The following SH2B2 variants were observed in gnomAD, a reference collection of about 807,000 sequenced individuals.
SH2B2 encodes SH2B adapter protein 2.
SH2B2 carries 37 observed loss-of-function variants against 35.7 expected under a neutral mutation model. That is an observed-to-expected ratio of 1.04 (90% confidence interval 0.80 to 1.36). The LOEUF (loss-of-function observed/expected upper bound fraction) is 1.36, where lower values mean the gene tolerates loss of function less well. SH2B2 is among the 40% of genes most tolerant of loss of function. The pLI is 0.00. For missense variants in SH2B2, 852 were observed against 817.7 expected, an observed-to-expected ratio of 1.04 and a Z score of -0.51; for synonymous variants, 383 against 376.4, an observed-to-expected ratio of 1.02 and a Z score of -0.20.
At chr7:102,285,972 C>A (rs1394942119), upstream of SH2B2, among the ~76,000 whole-genome samples, 4 of 152,224 alleles carry the variant, frequency 2.6e-5, no homozygotes, top group East Asian at 5.8e-4. Context: ...AGGAAGCCTC[C>A]CAGAGCCCCC....
intron 1 of SH2B2, among the ~76,000 whole-genome samples, 187 bp downstream of exon 1, chr7:102,287,281 GC>G (rs1792492341): frequency 6.6e-6 from 1 of 152,012 alleles, no homozygotes; most frequent in Non-Finnish European, 1.5e-5. Flanking sequence ...GAGGGGAGGC[GC>G]CCCCGGCTGG....
chr7:102,307,458 C>T (rs1015748751), intron 3 of SH2B2, among the ~76,000 whole-genome samples: 5 of 152,160 alleles, frequency 3.3e-5, no homozygotes, highest in African/African-American at 1.2e-4. Flanking sequence ...TGCATGAAGC[C>T]CCCACCCTCT....
intron 4 of SH2B2, among the ~76,000 whole-genome samples, chr7:102,313,778 G>A (rs1793713317): frequency 6.6e-6 from 1 of 151,992 alleles, no homozygotes. Flanking sequence ...CGGGCATGGT[G>A]GCAGATGCCT....
At chr7:102,309,002 A>G in intron 4 of SH2B2, 96 bp downstream of exon 4, 3 of 958,352 alleles carry the variant, frequency 3.1e-6, no homozygotes, top group Non-Finnish European at 5.1e-6. Context: ...GCGGGAGCTC[A>G]GCTTGAGAAA....
chr7:102,320,093 T>C (rs1161025503), intron 7 of SH2B2, among the ~76,000 whole-genome samples: 1 of 152,132 alleles, frequency 6.6e-6, no homozygotes, highest in Non-Finnish European at 1.5e-5. Flanking sequence ...GTGTAGGGCA[T>C]GGGCCCATAG....
intron 2 of SH2B2, among the ~76,000 whole-genome samples, chr7:102,303,079 C>G (rs1554554234): frequency 6.6e-6 from 1 of 151,236 alleles, no homozygotes; most frequent in Admixed American, 6.6e-5. Context: ...AATAAAAATA[C>G]AGGATTACAT....
rs1793121687 is a variant in SH2B2 at position 102,300,683 on chromosome 7, T to A, written c.133T>A (p.Phe45Ile). ...AVDFAHKFCR[F>I]LRDNPAYDTP... The stretch of plus-strand genomic sequence containing the variant: ...GGACTTTGCGCACAAGTTCTGCCGT[T>A]TCCTGCGGGACAACCCAGCTTACGA... Residue 45 changes from phenylalanine (F) to isoleucine (I), a missense_variant, in exon 2 of 9, where the codon TTC becomes ATC. Transcript: ENST00000444095. The A allele has an allele frequency of 1.8e-5, 28 of 1,547,200 alleles. No homozygotes were observed. Among genetic ancestry groups the A allele is most frequent in the Non-Finnish European group, 2.4e-5 (28 of 1,143,884 alleles).
At chr7:102,316,140 T>C (rs1200188363) in intron 6 of SH2B2, among the ~76,000 whole-genome samples, 1 of 151,656 alleles carries the variant, frequency 6.6e-6, no homozygotes, top group Non-Finnish European at 1.5e-5. Context: ...AGCCAGGCAT[T>C]GTGGCACAGG....
intron 4 of SH2B2, among the ~76,000 whole-genome samples, chr7:102,311,836 G>T (rs1327588879): frequency 6.6e-6 from 1 of 152,096 alleles, no homozygotes; most frequent in African/African-American, 2.4e-5. Context: ...CAGCACTTTG[G>T]GAGGCTGAGG....
Position 102,317,380 on chromosome 7 carries a change from C to T in SH2B2, c.1380C>T (p.Phe460=), listed in dbSNP as rs782233129. ...GGGAGTACGTGCTGACCTTCAACTT[C>T]CAGGGCAAGGCCAAGGCAAGTGTGT... ...RPGEYVLTFN[F]QGKAKHLRLS... is the part of the protein sequence containing the mutation. The change falls in exon 7 of 9, where the codon TTC becomes TTT. Residue 460 remains phenylalanine, a synonymous_variant. Coordinates refer to ENST00000444095, the MANE Select transcript of SH2B2 (RefSeq NM_001359228.2). The T allele has an allele frequency of 6.3e-7, 1 of 1,582,788 alleles. No individual in the cohort carries two copies. The highest frequency in any genetic ancestry group is 1.3e-5 in the African/African-American group (1 of 74,444).
intron 6 of SH2B2, among the ~76,000 whole-genome samples, chr7:102,316,750 G>A (rs1052909330): frequency 6.6e-6 from 1 of 152,162 alleles, no homozygotes; most frequent in Non-Finnish European, 1.5e-5. Context: ...TGGGCGCAAT[G>A]GCTTACACCT....
chr7:102,296,313 G>A (rs1792911557), intron 1 of SH2B2, among the ~76,000 whole-genome samples: 2 of 152,208 alleles, frequency 1.3e-5, no homozygotes, highest in Non-Finnish European at 2.9e-5. Context: ...AGATGAGATG[G>A]TGATCCCAGG....
intron 3 of SH2B2, 53 bp from the exon 4 acceptor site, chr7:102,308,762 C>A: frequency 1.5e-6 from 2 of 1,350,372 alleles, no homozygotes; most frequent in South Asian, 1.2e-5. Context: ...GTCCTGTGGT[C>A]TGGAGCCCAT....
chr7:102,314,917 G>A (rs997697573), intron 6 of SH2B2, among the ~76,000 whole-genome samples: 11 of 152,004 alleles, frequency 7.2e-5, no homozygotes, highest in South Asian at 2.1e-4. Flanking sequence ...GGCCGGGTGC[G>A]GTGGCTCACG....
chr7:102,287,976 G>C (rs556623028), intron 1 of SH2B2, among the ~76,000 whole-genome samples: 4 of 152,324 alleles, frequency 2.6e-5, no homozygotes, highest in South Asian at 4.1e-4. Context: ...CTCAGGCTAG[G>C]CTGTCAGACC....
chr7:102,318,965 C>T (rs1554557688), intron 7 of SH2B2, among the ~76,000 whole-genome samples: 4 of 152,174 alleles, frequency 2.6e-5, no homozygotes, highest in South Asian at 2.1e-4. Context: ...GGGTGGCAAG[C>T]TCCTCTCCTT....
At chr7:102,314,454 G>A (rs2133027002) in intron 5 of SH2B2, 27 bp downstream of exon 5, 2 of 398,782 alleles carry the variant, frequency 5.0e-6, no homozygotes, top group East Asian at 7.1e-5. Context: ...GGTTGAAGGA[G>A]GGGCACACTC....
At chr7:102,301,559 C>CGTGTGTGT (rs144412397) in intron 2 of SH2B2, among the ~76,000 whole-genome samples, 13 of 145,072 alleles carry the variant, frequency 9.0e-5, no homozygotes, top group African/African-American at 2.8e-4. Context: ...TGTGTGTGTC[C>CGTGTGTGT]GTGTGTGTGT....
At chr7:102,304,752 T>C (rs781802605) in intron 2 of SH2B2, among the ~76,000 whole-genome samples, 12 of 152,242 alleles carry the variant, frequency 7.9e-5, no homozygotes, top group Non-Finnish European at 1.2e-4. Flanking sequence ...ACTGCAGGCC[T>C]CTGTCTGCTC....
Sources: allele counts gnomAD v4.1 joint callset (sites outside exome capture counted in the v4.1 genomes callset), GRCh38; gene constraint gnomAD v4.1.1; transcripts MANE v1.5; gene names NCBI Gene and HGNC (gene_info 2026-07-23, HGNC 2026-07-21).